Variants in GALM observed in about 807,000 individuals in gnomAD.
The protein encoded by GALM is galactose mutarotase, also known as aldose 1-epimerase.
Under a neutral mutation model 37.4 loss-of-function variants are expected in GALM, and 43 were observed. That is an observed-to-expected ratio of 1.15 (90% confidence interval 0.90 to 1.48). GALM has a LOEUF of 1.48. GALM is among the 40% of genes most tolerant of loss of function. GALM has a pLI of 0.00. For synonymous variants in GALM, 199 were observed against 170.6 expected (o/e 1.17, Z -1.30); for missense variants, 456 against 419.1 (o/e 1.09, Z -0.77).
At position 38,683,328 on chromosome 2, in the gene GALM, G is replaced by A. The variant is rs561781520; in HGVS notation, c.552+1842G>A. Among the ~76,000 whole-genome samples, 19 of 152,080 alleles carry A rather than the reference G, an allele frequency of 1.2e-4. 1 individual carries two copies. The South Asian group carries it at 3.7e-3, about 30-fold the overall frequency. ...GATCATAGACCCCACCCAAAAGCGC[G>A]GTCAATGAACTTCCTTCCGTATACC... On this transcript the variant is annotated intron_variant, in intron 3 of 6. Transcript: ENST00000272252.
chr2:38,667,996 G>A (rs752563277), intron 1 of GALM, among the ~76,000 whole-genome samples: 2 of 152,268 alleles, frequency 1.3e-5, no homozygotes, highest in Non-Finnish European at 2.9e-5. Flanking sequence ...AGGCCTTGCC[G>A]AGTTTCCCCA....
intron 4 of GALM, among the ~76,000 whole-genome samples, chr2:38,699,479 C>T (rs932184294): frequency 6.6e-6 from 1 of 152,042 alleles, no homozygotes; most frequent in African/African-American, 2.4e-5. Context: ...TGCTTTAGAG[C>T]ACTAGCACTT....
At chr2:38,697,443 G>T (rs1418505186) in intron 4 of GALM, among the ~76,000 whole-genome samples, 2 of 152,046 alleles carry the variant, frequency 1.3e-5, no homozygotes. Flanking sequence ...ATACTTATAT[G>T]TTTTTCAACT....
chr2:38,680,453 C>T (rs1344519154), intron 2 of GALM, among the ~76,000 whole-genome samples: 1 of 152,034 alleles, frequency 6.6e-6, no homozygotes. Context: ...GAGATTAATG[C>T]CTAGAGTCAC....
chr2:38,684,517 A>G (rs1665476676), intron 3 of GALM, among the ~76,000 whole-genome samples: 1 of 152,058 alleles, frequency 6.6e-6, no homozygotes, highest in African/African-American at 2.4e-5. Context: ...TCTAAAAACA[A>G]ACAAACAGGC....
intron 3 of GALM, among the ~76,000 whole-genome samples, chr2:38,684,159 G>GT (rs1255437066): frequency 6.6e-6 from 1 of 152,106 alleles, no homozygotes; most frequent in East Asian, 1.9e-4. Flanking sequence ...ATTTTTGTTT[G>GT]TTTTTTAAAT....
At chr2:38,698,392 G>A in intron 4 of GALM, 1 of 1,304,556 alleles carries the variant, frequency 7.7e-7, no homozygotes, top group Non-Finnish European at 1.0e-6. Context: ...GTTTCTGCAA[G>A]GCTGAGAGCT....
In GALM at chr2:38,734,737, T is replaced by C. The variant is rs1214706167; in HGVS notation, c.*1172T>C. Reference sequence around the variant, plus strand: ...TTATACTAGTGTATGCTGTACTGAATTGAAATAAAACCAAAATCTGCATCT... The same window carrying C: ...TTATACTAGTGTATGCTGTACTGAACTGAAATAAAACCAAAATCTGCATCT... On this transcript the variant is annotated 3_prime_UTR_variant, in exon 7 of 7. Transcript: ENST00000272252. 3 of 150,610 alleles carry C rather than the reference T, an allele frequency of 2.0e-5. No homozygotes were observed. The highest frequency in any genetic ancestry group is 7.3e-5 in the African/African-American group (3 of 40,828). The allele number at this position is 150,610 out of a possible 1,614,324, so 9.3% of individuals were successfully genotyped here.
chr2:38,675,812 G>T lies in GALM; in HGVS notation c.191-100G>T, dbSNP rs149949698. ...TCTCGATCTCCTGACCTTGTGATCCGCCTGCCTCGGCCTCCCATAGTGCTG... is the reference window on the plus strand; with the variant it reads ...TCTCGATCTCCTGACCTTGTGATCCTCCTGCCTCGGCCTCCCATAGTGCTG... On this transcript the variant is annotated intron_variant, in intron 1 of 6. Coordinates refer to ENST00000272252, the MANE Select transcript of GALM (RefSeq NM_138801.3). 3.3e-3 allele frequency: 3,526 copies of T among 1,069,470 alleles called. 77 individuals are homozygous for T. In the African/African-American group the frequency reaches 0.047, roughly 14 times the overall value. The allele number at this position is 1,069,470 out of a possible 1,614,324, so 66.2% of individuals were successfully genotyped here. A position where few individuals can be genotyped will look rare whatever the true frequency, so the allele number is the denominator to read the frequency against.
intron 1 of GALM, among the ~76,000 whole-genome samples, chr2:38,672,146 C>A (rs989163264): frequency 6.6e-6 from 1 of 152,058 alleles, no homozygotes; most frequent in Non-Finnish European, 1.5e-5. Flanking sequence ...TAAGGGAATT[C>A]TTGCAAGCCC....
chr2:38,689,755 A>C lies in GALM; in HGVS notation c.553-58A>C. ...AAACATTTTTGCAAGATAAGTTAAA[A>C]AACAAATATATGAAATAAGACTAAG... On this transcript the variant is annotated intron_variant, in intron 3 of 6. Transcript: ENST00000272252. 5.7e-6 allele frequency: 6 copies of C among 1,045,190 alleles called. No homozygotes were observed. The Admixed American group carries it at 1.2e-4, about 20-fold the overall frequency. The allele number at this position is 1,045,190 out of a possible 1,614,324, so 64.7% of individuals were successfully genotyped here. A position where few individuals can be genotyped will look rare whatever the true frequency, so the allele number is the denominator to read the frequency against.
chr2:38,672,563 G>C (rs1344704499), intron 1 of GALM, among the ~76,000 whole-genome samples: 1 of 152,076 alleles, frequency 6.6e-6, no homozygotes, highest in Non-Finnish European at 1.5e-5. Context: ...GAAGAACATG[G>C]ACTCATGAGC....
chr2:38,677,633 CT>C (rs1298406690), intron 2 of GALM, among the ~76,000 whole-genome samples: 2 of 152,226 alleles, frequency 1.3e-5, no homozygotes, highest in Non-Finnish European at 2.9e-5. Context: ...CCTGCTCCCC[CT>C]GTTCACTGTG....
chr2:38,729,152 CTA>C (rs1666544544), intron 4 of GALM, among the ~76,000 whole-genome samples: 2 of 151,790 alleles, frequency 1.3e-5, no homozygotes, highest in African/African-American at 4.8e-5. Flanking sequence ...CCCATATACT[CTA>C]TTTATTTGAG....
rs754435446 is a variant in GALM at position 38,731,712 on chromosome 2, A to T, written c.777-23A>T. 3.1e-6 allele frequency: 5 copies of T among 1,603,834 alleles called. No homozygotes were observed. The African/African-American group carries it at 4.0e-5, about 13-fold the overall frequency. On this transcript the variant is annotated intron_variant, in intron 5 of 6. Coordinates refer to ENST00000272252, the MANE Select transcript of GALM (RefSeq NM_138801.3). The stretch of plus-strand genomic sequence containing the variant: ...CCACCTGCTTTTCTGCCCTGGACTC[A>T]TGTTGTTTGTATTTCTTACCAGGGT...
intron 4 of GALM, among the ~76,000 whole-genome samples, chr2:38,705,248 A>C (rs1666013563): frequency 6.6e-6 from 1 of 152,174 alleles, no homozygotes. Flanking sequence ...TGGTCACTAC[A>C]TTCTGAAGGG....
At chr2:38,695,068 C>G (rs1187838584) in intron 4 of GALM, among the ~76,000 whole-genome samples, 6 of 152,050 alleles carry the variant, frequency 3.9e-5, no homozygotes, top group African/African-American at 1.4e-4. Flanking sequence ...AGTTCACATT[C>G]TTTAAGTATG....
chr2:38,714,281 C>T (rs1474139091), intron 4 of GALM, among the ~76,000 whole-genome samples: 1 of 151,124 alleles, frequency 6.6e-6, no homozygotes, highest in East Asian at 2.0e-4. Context: ...GTGGTGTGAT[C>T]TCGGCTCACT....
chr2:38,700,126 A>AT (rs1054946165), intron 4 of GALM, among the ~76,000 whole-genome samples: 1 of 152,118 alleles, frequency 6.6e-6, no homozygotes, highest in Admixed American at 6.6e-5. Context: ...TAATTTTTGT[A>AT]TTTTTAGTAG....
Sources: allele counts gnomAD v4.1 joint callset (sites outside exome capture counted in the v4.1 genomes callset), GRCh38; gene constraint gnomAD v4.1.1; transcripts MANE v1.5; gene names NCBI Gene and HGNC (gene_info 2026-07-23, HGNC 2026-07-21).